The following USH1C variants were observed in gnomAD, a reference collection of about 807,000 sequenced individuals.
USH1C encodes the protein USH1 protein network component harmonin, also known as harmonin.
A neutral mutation model predicts 119.3 loss-of-function variants in USH1C; 90 were observed. That is an observed-to-expected ratio of 0.75 (90% CI 0.64 to 0.90). The LOEUF is 0.90. Among genes scored for constraint, USH1C ranks in the 40% least tolerant of loss-of-function variants. USH1C has a pLI of 0.00. For missense variants in USH1C, 1,165 were observed against 1,167.7 expected, an observed-to-expected ratio of 1.00 and a Z score of 0.03; for synonymous variants, 465 against 443.3, an observed-to-expected ratio of 1.05 and a Z score of -0.62.
intron 13 of USH1C, among the ~76,000 whole-genome samples, 161 bp from the exon 14 acceptor site, chr11:17,521,155 C>A (rs1850395541): frequency 6.6e-6 from 1 of 152,072 alleles, no homozygotes; most frequent in Non-Finnish European, 1.5e-5. Context: ...GAGTGTGAAC[C>A]CCACCTTGGC....
At chr11:17,502,721 G>T (rs1303762943) in intron 20 of USH1C, among the ~76,000 whole-genome samples, 1 of 152,228 alleles carries the variant, frequency 6.6e-6, no homozygotes, top group Non-Finnish European at 1.5e-5. Flanking sequence ...AGACAGTGAG[G>T]TGGCACCTGA....
At chr11:17,503,452 C>A (rs1181469720) in intron 20 of USH1C, among the ~76,000 whole-genome samples, 1 of 152,178 alleles carries the variant, frequency 6.6e-6, no homozygotes, top group Admixed American at 6.5e-5. Context: ...AGAGGCAGCC[C>A]AACCCCTCAT....
chr11:17,538,181 C>CT (rs1393399941), intron 1 of USH1C, among the ~76,000 whole-genome samples: 1 of 152,226 alleles, frequency 6.6e-6, no homozygotes, highest in Non-Finnish European at 1.5e-5. Context: ...ATTATCATCC[C>CT]TGCTACCCCC....
intron 19 of USH1C, 55 bp downstream of exon 19, chr11:17,505,775 G>C: frequency 3.1e-6 from 5 of 1,612,230 alleles, no homozygotes; most frequent in Non-Finnish European, 4.2e-6. Flanking sequence ...GCCCAGGGGA[G>C]GTAGCCCTGG....
rs1849803270 is a variant in USH1C at position 17,509,794 on chromosome 11, CA to C, written c.1574del (p.Leu525ArgfsTer5). On this transcript the variant is annotated frameshift_variant, in exon 18 of 27. Transcript: ENST00000005226. LOFTEE classifies it high-confidence loss of function. ...CTGCGAAGCGTCTCAAGGGTGGGGC[CA>C]GGGGAGACACAGAAGGCGGGGGAGG... is the stretch of plus-strand genomic sequence containing the variant. The part of the protein sequence containing the change: ...PPPPPPSVSP[L>X]APPLRRFAGG... 1 of 1,584,160 alleles carries C rather than the reference CA, an allele frequency of 6.3e-7. No individual in the cohort carries two copies. Among genetic ancestry groups the C allele is most frequent in the Non-Finnish European group, 8.5e-7 (1 of 1,171,882 alleles).
chr11:17,533,383 T>C lies in USH1C; in HGVS notation c.37-61A>G, dbSNP rs878546. 0.41 allele frequency: 512,459 copies of C among 1,243,736 alleles called. 109,243 individuals are homozygous for C. Among genetic ancestry groups the C allele is most frequent in the African/African-American group, 0.52 (34,862 of 66,616 alleles). The allele number at this position is 1,243,736 out of a possible 1,614,324, so 77.0% of individuals were successfully genotyped here. ...TCAGCACCCGCCCCCATAGCAGACC[T>C]CAGGGAGGAGAGGTCATCCCCAAGG... On this transcript the variant is annotated intron_variant, in intron 1 of 26. Transcript: ENST00000005226.
rs1849218205 is a variant in USH1C, at chr11:17,495,635, GA to G, written c.2588del (p.Val863AlafsTer27). ...CAGCACGGTCTTCAAGGAGCTTTCGGACCGGTTGGGGGCTTTCAGCTACGGA... is the reference window on the plus strand; with the variant it reads ...CAGCACGGTCTTCAAGGAGCTTTCGGCCGGTTGGGGGCTTTCAGCTACGGA... ...PSSVAESPQP[V>X]RKLLEDRAAV... is the part of the protein sequence containing the mutation. On this transcript the variant is annotated frameshift_variant, in exon 26 of 27. Coordinates refer to ENST00000005226, the MANE Select transcript of USH1C (RefSeq NM_153676.4). LOFTEE classifies it high-confidence loss of function. The G allele has an allele frequency of 1.9e-6, 3 of 1,614,124 alleles. No homozygotes were observed. Among genetic ancestry groups the G allele is most frequent in the Non-Finnish European group, 2.5e-6 (3 of 1,180,054 alleles).
chr11:17,504,241 A>G (rs1849552363), intron 20 of USH1C, among the ~76,000 whole-genome samples: 2 of 152,146 alleles, frequency 1.3e-5, no homozygotes, highest in African/African-American at 4.8e-5. Context: ...TGAAGCTGTG[A>G]TCTGCCCGGA....
chr11:17,542,022 T>A (rs1182091882), intron 1 of USH1C, among the ~76,000 whole-genome samples: 1 of 152,154 alleles, frequency 6.6e-6, no homozygotes, highest in East Asian at 1.9e-4. Flanking sequence ...TCTTGAGAGC[T>A]CCCTAAGTGC....
chr11:17,523,312 G>A, intron 10 of USH1C, 45 bp from the exon 11 acceptor site: 1 of 1,614,114 alleles, frequency 6.2e-7, no homozygotes. Flanking sequence ...ACAGACCACA[G>A]CAGTCCAGGC....
intron 13 of USH1C, 149 bp downstream of exon 13, chr11:17,521,197 A>C (rs1051701686): frequency 1.9e-6 from 2 of 1,048,530 alleles, no homozygotes; most frequent in African/African-American, 3.1e-5. Context: ...AGTTACTATA[A>C]TATGACAGGC....
intron 8 of USH1C, 69 bp downstream of exon 8, chr11:17,526,278 G>C: frequency 4.5e-6 from 6 of 1,325,746 alleles, no homozygotes; most frequent in Non-Finnish European, 6.5e-6. Context: ...CAGTGAGGAA[G>C]GGGAGGGCAA....
At chr11:17,519,942 C>T (rs1011012995) in intron 14 of USH1C, among the ~76,000 whole-genome samples, 2 of 152,152 alleles carry the variant, frequency 1.3e-5, no homozygotes, top group African/African-American at 4.8e-5. Context: ...TGCCAAATGA[C>T]TGCCCCACAG....
intron 1 of USH1C, among the ~76,000 whole-genome samples, chr11:17,539,286 C>A (rs1372745762): frequency 6.6e-6 from 1 of 152,150 alleles, no homozygotes; most frequent in Non-Finnish European, 1.5e-5. Context: ...ACCCTCCTGT[C>A]TCCCCACAAG....
intron 26 of USH1C, chr11:17,495,222 G>C: frequency 2.8e-6 from 1 of 363,042 alleles, no homozygotes; most frequent in Non-Finnish European, 5.3e-6. Flanking sequence ...CACATGCCTG[G>C]TTCGAGGCAT....
chr11:17,532,606 CT>C (rs1482331236), intron 2 of USH1C, among the ~76,000 whole-genome samples: 1 of 152,134 alleles, frequency 6.6e-6, no homozygotes, highest in African/African-American at 2.4e-5. Context: ...GGCCCCAAAT[CT>C]TTCTTATCCT....
intron 2 of USH1C, among the ~76,000 whole-genome samples, chr11:17,533,010 T>C (rs1321283625): frequency 1.3e-5 from 2 of 152,186 alleles, no homozygotes; most frequent in Non-Finnish European, 2.9e-5. Flanking sequence ...CATCAGACTG[T>C]GAGCAACCTG....
At chr11:17,499,136 G>A (rs1315124064) in intron 23 of USH1C, among the ~76,000 whole-genome samples, 2 of 152,214 alleles carry the variant, frequency 1.3e-5, no homozygotes, top group Admixed American at 6.5e-5. Flanking sequence ...CAGATTGTGC[G>A]TGGTTTTCCA....
chr11:17,496,143 AG>A (rs1849241403), intron 25 of USH1C, among the ~76,000 whole-genome samples: 1 of 151,450 alleles, frequency 6.6e-6, no homozygotes, highest in Non-Finnish European at 1.5e-5. Context: ...AAGGGGAAGG[AG>A]GGGGGCAGAT....
Sources: gnomAD v4.1 joint callset for allele counts (sites outside exome capture counted in the v4.1 genomes callset) on GRCh38, gnomAD v4.1.1 for gene constraint, MANE v1.5 for transcripts, NCBI Gene and HGNC (gene_info 2026-07-23, HGNC 2026-07-21) for gene names.